The following TENM3 variants were observed in gnomAD, a reference collection of about 807,000 sequenced individuals.
TENM3 encodes teneurin transmembrane protein 3, also known as teneurin-3.
Under a neutral mutation model 255.1 loss-of-function variants are expected in TENM3, and 63 were observed. The observed-to-expected ratio is 0.25, with a 90% CI of 0.20 to 0.30. The LOEUF (loss-of-function observed/expected upper bound fraction) is 0.30. Among genes scored for constraint, TENM3 ranks in the 10% least tolerant of loss-of-function variants. The pLI is 1.00. For missense variants in TENM3, 2,929 were observed against 3,461.1 expected, an observed-to-expected ratio of 0.85 and a Z score of 3.86; for synonymous variants, 1,306 against 1,322.3, an observed-to-expected ratio of 0.99 and a Z score of 0.27.
At chr4:182,677,861 AAATGGC>A (rs1755787722) in intron 7 of TENM3, among the ~76,000 whole-genome samples, 1 of 152,192 alleles carries the variant, frequency 6.6e-6, no homozygotes, top group South Asian at 2.1e-4. Flanking sequence ...ATGGTCAGTA[AAATGGC>A]AATATATTTA....
upstream of TENM3, chr4:182,141,676 G>A (rs1011651628): frequency 6.6e-6 from 1 of 152,186 alleles, no homozygotes; most frequent in Non-Finnish European, 1.5e-5. Context: ...TGAACGTTCA[G>A]CATTGCATAC....
Position 182,737,058 on chromosome 4 carries a change from G to T in TENM3, c.3218G>T (p.Gly1073Val), listed in dbSNP as rs1392357671. 1 of 1,613,486 alleles carries T rather than the reference G, an allele frequency of 6.2e-7. No homozygotes were observed. The highest frequency in any genetic ancestry group is 1.7e-5 in the Admixed American group (1 of 59,962). Residue 1073 changes from glycine (G) to valine (V), a missense_variant, in exon 17 of 28, where the codon GGT (glycine) becomes GTT (valine). Physicochemically the swap from Gly to Val is moderately radical, Grantham distance 109. This residue lies in a region of TENM3 where 1,608 missense variants were observed against 1,884.4 expected (regional missense o/e 0.85). Coordinates refer to ENST00000511685, the MANE Select transcript of TENM3 (RefSeq NM_001080477.4). Reference sequence around the variant, plus strand: ...GATGCATATAATCAGAAAGTCTATGGTCTATCTGAAGCTGTTGGTAAGTTC... The same window carrying T: ...GATGCATATAATCAGAAAGTCTATGTTCTATCTGAAGCTGTTGGTAAGTTC... ...KTDAYNQKVY[G>V]LSEAVVSVGY...
chr4:182,673,302 T>C (rs1755382064), intron 7 of TENM3, 83 bp downstream of exon 7: 1 of 977,910 alleles, frequency 1.0e-6, no homozygotes, highest in Non-Finnish European at 1.5e-6. Flanking sequence ...GCTCAGCTGT[T>C]TGGTTAACTG....
At chr4:181,818,657 TGGA>T in the TENM3 span, among the ~76,000 whole-genome samples, 2 of 151,380 alleles carry the variant, frequency 1.3e-5, no homozygotes, top group South Asian at 4.2e-4. Flanking sequence ...TCACCCAGGC[TGGA>T]GTGCAGTGGT....
At chr4:182,467,741 A>G (rs777658598) in intron 3 of TENM3, among the ~76,000 whole-genome samples, 5 of 152,166 alleles carry the variant, frequency 3.3e-5, no homozygotes, top group Non-Finnish European at 7.4e-5. Flanking sequence ...GAGAGTCTAT[A>G]TATGAACTAT....
chr4:181,813,305 T>C, the TENM3 span, among the ~76,000 whole-genome samples: 1 of 152,076 alleles, frequency 6.6e-6, no homozygotes, highest in Non-Finnish European at 1.5e-5. Context: ...AAACACAAAC[T>C]GTTCAGGAAA....
At chr4:182,409,712 T>A (rs973298708) in intron 3 of TENM3, among the ~76,000 whole-genome samples, 1 of 152,250 alleles carries the variant, frequency 6.6e-6, no homozygotes, top group Non-Finnish European at 1.5e-5. Context: ...AATGCCATAA[T>A]GAGAATATTA....
chr4:181,843,321 G>A, the TENM3 span, among the ~76,000 whole-genome samples: 1 of 152,128 alleles, frequency 6.6e-6, no homozygotes, highest in Non-Finnish European at 1.5e-5. Context: ...CATGCCTGGG[G>A]ACCAACTTAG....
chr4:181,586,770 G>A, the TENM3 span, among the ~76,000 whole-genome samples: 68 of 152,208 alleles, frequency 4.5e-4, no homozygotes, highest in African/African-American at 1.6e-3. Context: ...AACCTGGGAG[G>A]CAGAGGTTGC....
chr4:181,500,659 C>A, the TENM3 span, among the ~76,000 whole-genome samples: 2 of 152,100 alleles, frequency 1.3e-5, no homozygotes, highest in Non-Finnish European at 2.9e-5. Flanking sequence ...TTAGTATAAT[C>A]CACTTTGCGC....
chr4:182,564,969 T>G (rs887325717), intron 3 of TENM3, among the ~76,000 whole-genome samples: 1 of 152,234 alleles, frequency 6.6e-6, no homozygotes, highest in African/African-American at 2.4e-5. Flanking sequence ...CCGTCTTACT[T>G]ATCTCCTGTT....
In TENM3 at chr4:182,681,945, G is replaced by C; in HGVS notation, c.1966G>C (p.Gly656Arg). 1 of 1,613,908 alleles carries C rather than the reference G, an allele frequency of 6.2e-7. No individual in the cohort carries two copies. Among genetic ancestry groups the C allele is most frequent in the Non-Finnish European group, 8.5e-7 (1 of 1,179,870 alleles). The change falls in exon 11 of 28, where the codon GGA (glycine) becomes CGA (arginine). Residue 656 changes from glycine (G) to arginine (R), a missense_variant. Physicochemically the swap from Gly to Arg is moderately radical, Grantham distance 125 (BLOSUM62 -2). Coordinates refer to ENST00000511685, the MANE Select transcript of TENM3 (RefSeq NM_001080477.4). Reference protein sequence around the residue: ...TMCPDQCSGHGTYLQESGSCT... With the variant: ...TMCPDQCSGHRTYLQESGSCT... ...GTGTCCAGACCAGTGCTCCGGCCACGGAACGTATCTTCAAGAAAGTGGCTC... is the reference window on the plus strand; with the variant it reads ...GTGTCCAGACCAGTGCTCCGGCCACCGAACGTATCTTCAAGAAAGTGGCTC...
the TENM3 span, among the ~76,000 whole-genome samples, chr4:181,626,215 A>T: frequency 3.3e-5 from 5 of 152,174 alleles, no homozygotes; most frequent in Non-Finnish European, 5.9e-5. Flanking sequence ...GACACTGTGC[A>T]TGAAGGCCCT....
At chr4:181,642,880 C>A in the TENM3 span, among the ~76,000 whole-genome samples, 1 of 152,038 alleles carries the variant, frequency 6.6e-6, no homozygotes, top group African/African-American at 2.4e-5. Context: ...GTTTTGGTAC[C>A]AGTACCATGC....
intron 3 of TENM3, among the ~76,000 whole-genome samples, chr4:182,540,037 T>A (rs545389653): frequency 2.0e-5 from 3 of 152,338 alleles, no homozygotes; most frequent in African/African-American, 7.2e-5. Context: ...AGAACCTAAT[T>A]GATACAAAGT....
intron 1 of TENM3, among the ~76,000 whole-genome samples, chr4:182,223,287 T>C (rs993100568): frequency 2.0e-5 from 3 of 152,196 alleles, no homozygotes; most frequent in South Asian, 2.1e-4. Flanking sequence ...CTCCTCAGAA[T>C]TGATTTGGGC....
the TENM3 span, among the ~76,000 whole-genome samples, chr4:181,981,000 A>T: frequency 6.6e-6 from 1 of 152,206 alleles, no homozygotes; most frequent in Non-Finnish European, 1.5e-5. Context: ...TACTGTGTTA[A>T]TATGTCTAGT....
intron 18 of TENM3, among the ~76,000 whole-genome samples, chr4:182,738,846 G>A (rs1034366718): frequency 4.6e-5 from 7 of 151,248 alleles, no homozygotes; most frequent in Non-Finnish European, 5.9e-5. Flanking sequence ...AGTGGGAGTC[G>A]TCAGCACAGA....
At chr4:182,436,142 T>C (rs1032728911) in intron 3 of TENM3, among the ~76,000 whole-genome samples, 5 of 152,242 alleles carry the variant, frequency 3.3e-5, no homozygotes, top group Admixed American at 1.3e-4. Context: ...CTTTAACAGA[T>C]GCCTTTAGGC....
Sources: gnomAD v4.1 joint callset for allele counts (sites outside exome capture counted in the v4.1 genomes callset) on GRCh38, gnomAD v4.1.1 for gene constraint, gnomAD v4.1.1 regional missense constraint, MANE v1.5 for transcripts, NCBI Gene and HGNC (gene_info 2026-07-23, HGNC 2026-07-21) for gene names.